Variants in CDCP1 observed in about 807,000 individuals in gnomAD.
CDCP1 encodes the protein CUB domain containing protein 1.
A neutral mutation model predicts 60.2 loss-of-function variants in CDCP1; 29 were observed. The observed-to-expected ratio is 0.48, with a 90% CI of 0.36 to 0.66. CDCP1 has a LOEUF of 0.66. Ranked by LOEUF, CDCP1 falls within the 30% of genes least tolerant of loss-of-function variation. CDCP1 has a pLI of 0.00. For missense variants in CDCP1, 876 were observed against 1,074.3 expected, an observed-to-expected ratio of 0.82 and a Z score of 2.58; for synonymous variants, 387 against 431.1, an observed-to-expected ratio of 0.90 and a Z score of 1.27.
chr3:45,137,418 C>T (rs1699207021), intron 1 of CDCP1, among the ~76,000 whole-genome samples: 1 of 152,082 alleles, frequency 6.6e-6, no homozygotes, highest in African/African-American at 2.4e-5. Context: ...GAGGCAGAGG[C>T]CAGTGAGGCT....
chr3:45,142,168 C>T (rs1043983813), intron 1 of CDCP1, among the ~76,000 whole-genome samples: 1 of 152,092 alleles, frequency 6.6e-6, no homozygotes, highest in Non-Finnish European at 1.5e-5. Flanking sequence ...AGGCAGAGAA[C>T]CCTAGCCACT....
rs746864486 is a variant in CDCP1 at position 45,118,530 on chromosome 3, G to A, written c.174C>T (p.Ile58=). The stretch of plus-strand genomic sequence containing the variant: ...TGGTTATATGTCTTTTAGAAATGAC[G>A]ATGTAACAGGGTTTTGCCAGCAGAG... ...TPTLLAKPCY[I]VISKRHITML... Residue 58 remains isoleucine (I), a synonymous_variant, in exon 2 of 9, where the codon ATC becomes ATT. Transcript: ENST00000296129. 6.8e-6 allele frequency: 11 copies of A among 1,613,982 alleles called. No homozygotes were observed. Among genetic ancestry groups the A allele is most frequent in the East Asian group, 4.5e-5 (2 of 44,896 alleles).
chr3:45,115,608 C>T (rs1053033529), intron 2 of CDCP1, among the ~76,000 whole-genome samples: 3 of 152,140 alleles, frequency 2.0e-5, no homozygotes, highest in African/African-American at 7.2e-5. Context: ...CTCTTTAACT[C>T]TGTAAAAGCT....
chr3:45,104,493 T>TA (rs1337363953), intron 4 of CDCP1, among the ~76,000 whole-genome samples: 6 of 152,318 alleles, frequency 3.9e-5, no homozygotes, highest in South Asian at 2.1e-4. Context: ...GTTTTAAATG[T>TA]AAAATTACCT....
At chr3:45,130,992 G>A (rs1409347558) in intron 1 of CDCP1, among the ~76,000 whole-genome samples, 1 of 152,040 alleles carries the variant, frequency 6.6e-6, no homozygotes, top group Non-Finnish European at 1.5e-5. Flanking sequence ...TCAGCCTCCT[G>A]AGTAGCTGGG....
At chr3:45,111,058 G>A (rs1559393691) in intron 3 of CDCP1, among the ~76,000 whole-genome samples, 1 of 152,214 alleles carries the variant, frequency 6.6e-6, no homozygotes. Flanking sequence ...TCCAGTGGTA[G>A]AGGGGAGAGC....
chr3:45,140,682 C>T (rs1032764144), intron 1 of CDCP1, among the ~76,000 whole-genome samples: 1 of 152,166 alleles, frequency 6.6e-6, no homozygotes, highest in Non-Finnish European at 1.5e-5. Flanking sequence ...TTAAATGACA[C>T]GCAGACCTAC....
chr3:45,105,667 T>G (rs1001020121), intron 4 of CDCP1, among the ~76,000 whole-genome samples: 1 of 152,180 alleles, frequency 6.6e-6, no homozygotes, highest in African/African-American at 2.4e-5. Flanking sequence ...TAAAGCCTTA[T>G]AGATGGGTAG....
Position 45,091,374 on chromosome 3 carries a change from C to T in CDCP1, c.1792G>A (p.Val598Ile). ...ATGAATGCGCGCCCTGTCTGGCAGACCACGCCGCTCCGCTCCTTAAAGAAA... is the reference window on the plus strand; with the variant it reads ...ATGAATGCGCGCCCTGTCTGGCAGATCACGCCGCTCCGCTCCTTAAAGAAA... Reference protein sequence around the residue: ...LTFFKERSGVVCQTGRAFMII... With the variant: ...LTFFKERSGVICQTGRAFMII... The change falls in exon 7 of 9, where the codon GTC becomes ATC. Residue 598 changes from valine (V) to isoleucine (I), a missense_variant. Val to Ile is a conservative substitution (Grantham distance 29). Around this residue, in one of 2 missense-constraint regions of CDCP1, gnomAD observed 726 missense variants for 935.7 expected, o/e 0.78. Transcript: ENST00000296129. The surrounding 1 kb of genome is among the most constrained non-coding windows in gnomAD (Gnocchi z 4.8). 4 of 1,614,166 alleles carry T rather than the reference C, an allele frequency of 2.5e-6. No homozygotes were observed. Among genetic ancestry groups the T allele is most frequent in the Non-Finnish European group, 3.4e-6 (4 of 1,180,022 alleles).
intron 1 of CDCP1, among the ~76,000 whole-genome samples, chr3:45,134,325 C>T (rs1351068619): frequency 6.6e-6 from 1 of 151,920 alleles, no homozygotes; most frequent in African/African-American, 2.4e-5. Flanking sequence ...GGGGTTTCAC[C>T]GTGTTAGCCA....
At chr3:45,088,884 A>AT (rs139960863) in intron 8 of CDCP1, among the ~76,000 whole-genome samples, 170 bp downstream of exon 8, 5,989 of 151,814 alleles carry the variant, frequency 0.039, 405 homozygotes, top group African/African-American at 0.14. Flanking sequence ...CAGGCATGGG[A>AT]TTTTTTTTCT....
chr3:45,146,143 G>T (rs1305149408), intron 1 of CDCP1, 63 bp downstream of exon 1: 49 of 1,439,712 alleles, frequency 3.4e-5, no homozygotes, highest in Non-Finnish European at 4.3e-5. Flanking sequence ...CATCTCCGCC[G>T]GGCGTCCGCT....
chr3:45,128,245 G>T (rs988197058), intron 1 of CDCP1, among the ~76,000 whole-genome samples: 5 of 152,248 alleles, frequency 3.3e-5, no homozygotes, highest in African/African-American at 9.6e-5. Flanking sequence ...AAGGCCCGAG[G>T]GAGTAGGACA....
intron 8 of CDCP1, among the ~76,000 whole-genome samples, chr3:45,087,162 A>T (rs1576072893): frequency 6.6e-6 from 1 of 152,108 alleles, no homozygotes; most frequent in African/African-American, 2.4e-5. Flanking sequence ...TGTCTCACTC[A>T]TCATTGTCCC....
intron 1 of CDCP1, among the ~76,000 whole-genome samples, chr3:45,138,146 C>T (rs1699221208): frequency 1.3e-5 from 2 of 152,202 alleles, no homozygotes; most frequent in African/African-American, 2.4e-5. Context: ...CTGGTCCAGT[C>T]AGTTCCTTGG....
At chr3:45,145,833 G>A (rs1699373552) in intron 1 of CDCP1, among the ~76,000 whole-genome samples, 1 of 152,164 alleles carries the variant, frequency 6.6e-6, no homozygotes, top group South Asian at 2.1e-4. Flanking sequence ...CAAAGACCCT[G>A]GGGCGCACGG....
At chr3:45,118,269 A>G in intron 2 of CDCP1, 143 bp downstream of exon 2, 1 of 657,042 alleles carries the variant, frequency 1.5e-6, no homozygotes, top group Non-Finnish European at 2.6e-6. Context: ...TGGCCACATC[A>G]GAGCTAAATT....
intron 5 of CDCP1, among the ~76,000 whole-genome samples, chr3:45,094,828 G>GT (rs1417904623): frequency 6.6e-6 from 1 of 152,090 alleles, no homozygotes; most frequent in African/African-American, 2.4e-5. Flanking sequence ...ACATGGGGCA[G>GT]TATGACACAG....
rs561253208 is a variant in CDCP1, at chr3:45,136,181, A to G, written c.82+10025T>C. 9.8e-5 allele frequency among the ~76,000 whole-genome samples: 15 copies of G among 152,326 alleles called. No individual in the cohort carries two copies. In the East Asian group the frequency reaches 2.7e-3, roughly 27 times the overall value. On this transcript the variant is annotated intron_variant, in intron 1 of 8. Coordinates refer to ENST00000296129, the MANE Select transcript of CDCP1 (RefSeq NM_022842.5). The stretch of plus-strand genomic sequence containing the variant: ...TGAGAATTCAGGGATGTGAAAAACT[A>G]AGTTAAGGAACCAAGAATGCTGAGT...
Sources: gnomAD v4.1 joint callset for allele counts (sites outside exome capture counted in the v4.1 genomes callset) on GRCh38, gnomAD v4.1.1 for gene constraint, gnomAD v4.1.1 regional missense constraint, Gnocchi (gnomAD v3.1) non-coding constraint, MANE v1.5 for transcripts, NCBI Gene and HGNC (gene_info 2026-07-23, HGNC 2026-07-21) for gene names.